Variants in TMEM50B observed in about 807,000 individuals in gnomAD.
TMEM50B encodes the protein transmembrane protein 50B, also known as HCV p7-trans-regulated protein 3.
In TMEM50B, 14 loss-of-function variants were observed where a neutral mutation model predicts 23.4. The observed-to-expected ratio is 0.60, with a 90% CI of 0.39 to 0.93. The LOEUF is 0.93. TMEM50B is among the 40% of genes least tolerant of loss of function. The pLI is 0.00. For synonymous variants in TMEM50B, 64 were observed against 62.3 expected (o/e 1.03, Z -0.13); for missense variants, 159 against 193.0 (o/e 0.82, Z 1.04).
chr21:33,459,052 A>C (rs2084194091), intron 5 of TMEM50B, among the ~76,000 whole-genome samples: 1 of 152,226 alleles, frequency 6.6e-6, no homozygotes, highest in Admixed American at 6.5e-5. Context: ...ACAGTTAAGC[A>C]AAGAAGGCTG....
chr21:33,474,700 G>A (rs376909869), intron 1 of TMEM50B, among the ~76,000 whole-genome samples: 1 of 113,732 alleles, frequency 8.8e-6, no homozygotes, highest in Non-Finnish European at 1.8e-5. Flanking sequence ...GCTTGGACCC[G>A]GGAGGCAGAG....
chr21:33,437,801 T>C (rs1244669226), intron 8 of TMEM50B, among the ~76,000 whole-genome samples: 1 of 151,722 alleles, frequency 6.6e-6, no homozygotes, highest in African/African-American at 2.4e-5. Flanking sequence ...CTGGGCAACA[T>C]GGTGAAACCC....
chr21:33,432,587 G>C (rs1050780770), exon 9 of TMEM50B: 6 of 1,050,416 alleles, frequency 5.7e-6, no homozygotes, highest in East Asian at 2.4e-5. Context: ...GTGAGGGTGG[G>C]GGGTAGAGGG....
At chr21:33,467,611 G>A (rs747883879) in intron 2 of TMEM50B, among the ~76,000 whole-genome samples, 8 of 151,944 alleles carry the variant, frequency 5.3e-5, no homozygotes, top group East Asian at 1.9e-4. Context: ...ACGAAAGAAC[G>A]AGACTCTGTC....
chr21:33,462,588 C>T (rs2084226703), intron 4 of TMEM50B, among the ~76,000 whole-genome samples: 1 of 152,156 alleles, frequency 6.6e-6, no homozygotes, highest in African/African-American at 2.4e-5. Context: ...GGGAGGATTG[C>T]TTGAGCCCAG....
chr21:33,463,855 C>A (rs1249430919), intron 4 of TMEM50B, among the ~76,000 whole-genome samples: 1 of 152,124 alleles, frequency 6.6e-6, no homozygotes, highest in Non-Finnish European at 1.5e-5. Context: ...GCTGTTGAGG[C>A]TGCAGTGAGC....
chr21:33,467,273 G>A (rs1239406179), intron 2 of TMEM50B, 151 bp from the exon 3 acceptor site: 1 of 623,556 alleles, frequency 1.6e-6, no homozygotes, highest in East Asian at 2.8e-5. Flanking sequence ...GCCAAGGCAG[G>A]TGGATTACTT....
At chr21:33,473,389 G>A (rs1288451314) in intron 1 of TMEM50B, among the ~76,000 whole-genome samples, 1 of 150,102 alleles carries the variant, frequency 6.7e-6, no homozygotes, top group Non-Finnish European at 1.5e-5. Context: ...GGAGCTGGAG[G>A]TTGCAGTGAG....
intron 1 of TMEM50B, among the ~76,000 whole-genome samples, chr21:33,478,553 C>T (rs1175975860): frequency 6.6e-6 from 1 of 152,124 alleles, no homozygotes; most frequent in Admixed American, 6.6e-5. Context: ...TCAGAAAAGA[C>T]TAGCCAGTGT....
chr21:33,460,270 A>T, intron 5 of TMEM50B, 143 bp downstream of exon 5: 1 of 659,556 alleles, frequency 1.5e-6, no homozygotes, highest in South Asian at 1.8e-5. Flanking sequence ...GACAAGTTTT[A>T]TTAAACTCAT....
At chr21:33,443,819 A>G (rs560850172) in intron 7 of TMEM50B, among the ~76,000 whole-genome samples, 2 of 152,356 alleles carry the variant, frequency 1.3e-5, no homozygotes, top group East Asian at 1.9e-4. Flanking sequence ...AACATTTAAA[A>G]TAACAGACCA....
intron 6 of TMEM50B, among the ~76,000 whole-genome samples, chr21:33,454,775 C>A (rs2084154205): frequency 6.6e-6 from 1 of 152,058 alleles, no homozygotes; most frequent in African/African-American, 2.4e-5. Flanking sequence ...CCAGGCTTCT[C>A]ATTTACTAGC....
At chr21:33,446,397 T>C (rs1303290418), downstream of TMEM50B, among the ~76,000 whole-genome samples, 2 of 150,974 alleles carry the variant, frequency 1.3e-5, no homozygotes, top group Admixed American at 1.3e-4. Flanking sequence ...CCACCATACT[T>C]GGCTAATTTT....
At chr21:33,478,560 G>T (rs1000719897) in intron 1 of TMEM50B, among the ~76,000 whole-genome samples, 4 of 152,174 alleles carry the variant, frequency 2.6e-5, no homozygotes, top group African/African-American at 7.2e-5. Context: ...AGACTAGCCA[G>T]TGTAAGGCTG....
At chr21:33,464,492 G>A (rs922442205) in intron 4 of TMEM50B, among the ~76,000 whole-genome samples, 36 of 145,784 alleles carry the variant, frequency 2.5e-4, no homozygotes, top group African/African-American at 6.2e-4. Context: ...GAGCCACTGC[G>A]CCCGGCCGTA....
intron 1 of TMEM50B, among the ~76,000 whole-genome samples, chr21:33,475,505 C>T (rs547292132): frequency 6.6e-6 from 1 of 152,090 alleles, no homozygotes; most frequent in South Asian, 2.1e-4. Context: ...CATCACCAGG[C>T]CCGGCTACTT....
intron 5 of TMEM50B, among the ~76,000 whole-genome samples, chr21:33,458,937 A>T (rs1208501636): frequency 6.6e-6 from 1 of 152,240 alleles, no homozygotes; most frequent in African/African-American, 2.4e-5. Flanking sequence ...AGACAAAAGA[A>T]AAACAAAAGT....
Position 33,478,153 on chromosome 21 carries a change from T to A in TMEM50B, c.-42+1685A>T, listed in dbSNP as rs2084391517. Among the ~76,000 whole-genome samples the A allele has an allele frequency of 5.3e-5, 8 of 150,992 alleles. No homozygotes were observed. In the South Asian group the frequency reaches 1.7e-3, roughly 32 times the overall value. ...CTGTCTCAAAAAATAAATAAATAAA[T>A]AAATTTAAAAATAATAATAATACAC... On this transcript the variant is annotated intron_variant, in intron 1 of 6. Transcript: ENST00000542230.
chr21:33,446,213 ATT>A (rs1164587269), downstream of TMEM50B, among the ~76,000 whole-genome samples: 1 of 149,374 alleles, frequency 6.7e-6, no homozygotes, highest in African/African-American at 2.5e-5. Context: ...CCCAAATTAC[ATT>A]TTTCTTTTAT....
Sources: allele counts gnomAD v4.1 joint callset (sites outside exome capture counted in the v4.1 genomes callset), GRCh38; gene constraint gnomAD v4.1.1; transcripts MANE v1.5; gene names NCBI Gene and HGNC (gene_info 2026-07-23, HGNC 2026-07-21).